FAM78A: variants seen among roughly 807,000 people sequenced by gnomAD.
The protein encoded by FAM78A is protein FAM78A.
Under a neutral mutation model 22.6 loss-of-function variants are expected in FAM78A, and 12 were observed. The ratio of observed to expected loss-of-function variants is 0.53; its 90% CI spans 0.34 to 0.86. FAM78A has a LOEUF of 0.86. FAM78A is among the 40% of genes least tolerant of loss of function. The pLI, the probability that FAM78A is intolerant of heterozygous loss-of-function variation, is 0.02. For synonymous variants in FAM78A, 151 were observed against 155.8 expected (o/e 0.97, Z 0.23); for missense variants, 322 against 396.1 (o/e 0.81, Z 1.59).
intron 1 of FAM78A, among the ~76,000 whole-genome samples, chr9:131,269,643 A>G (rs1835392474): frequency 6.6e-6 from 1 of 152,042 alleles, no homozygotes; most frequent in African/African-American, 2.4e-5. Context: ...CACCCAGCTA[A>G]TTTTTGTATT....
In FAM78A at chr9:131,276,209, C is replaced by T. The variant is rs1303443356; in HGVS notation, c.-30G>A. On this transcript the variant is annotated 5_prime_UTR_variant, in exon 1 of 2. Transcript: ENST00000372271. This position sits in a 1 kb window ranked among gnomAD's most constrained non-coding sequence, Gnocchi z 4.3. ...AGGACAGAGGCTGCAGGACCCAGTA[C>T]AGACGGCGCTGCTCTCCAATCTCAA... The T allele has an allele frequency of 1.9e-6, 3 of 1,574,968 alleles. No individual in the cohort carries two copies. The highest frequency in any genetic ancestry group is 2.3e-5 in the South Asian group (2 of 87,214).
intron 1 of FAM78A, among the ~76,000 whole-genome samples, chr9:131,273,124 G>C (rs962005381): frequency 6.6e-6 from 1 of 152,156 alleles, no homozygotes; most frequent in African/African-American, 2.4e-5. Flanking sequence ...TGATTCTGTT[G>C]ATTACTACCA....
At position 131,261,954 on chromosome 9, in the gene FAM78A, T is replaced by C. The variant is rs1275885285; in HGVS notation, c.324-604A>G. The stretch of plus-strand genomic sequence containing the variant: ...TTAAAAATGCACTCCTGGCCGGGCG[T>C]GGTGGCTCACACCTGTAATCCCAGC... On this transcript the variant is annotated intron_variant, in intron 1 of 1. Transcript: ENST00000372271. This position sits in a 1 kb window ranked among gnomAD's most constrained non-coding sequence, Gnocchi z 7.1. Among the ~76,000 whole-genome samples the C allele has an allele frequency of 6.6e-6, 1 of 152,058 alleles. No individual in the cohort carries two copies. The highest frequency in any genetic ancestry group is 6.5e-5 in the Admixed American group (1 of 15,268).
intron 1 of FAM78A, among the ~76,000 whole-genome samples, chr9:131,267,217 C>T (rs913421663): frequency 4.6e-5 from 7 of 152,188 alleles, no homozygotes; most frequent in East Asian, 3.8e-4. Flanking sequence ...ACCTCAGCCT[C>T]GCAAGCTGTT....
upstream of FAM78A, among the ~76,000 whole-genome samples, chr9:131,278,573 A>C (rs946211808): frequency 1.3e-5 from 2 of 152,090 alleles, no homozygotes; most frequent in Non-Finnish European, 2.9e-5. Context: ...CTGTGGAGGG[A>C]GACTGATGAT....
rs1835276174 is a variant in FAM78A at position 131,261,942 on chromosome 9, C to T, written c.324-592G>A. ...AACAAGCTACTGTTAAAAATGCACT[C>T]CTGGCCGGGCGTGGTGGCTCACACC... On this transcript the variant is annotated intron_variant, in intron 1 of 1. Transcript: ENST00000372271. This position sits in a 1 kb window ranked among gnomAD's most constrained non-coding sequence, Gnocchi z 7.1. Among the ~76,000 whole-genome samples the T allele has an allele frequency of 6.6e-6, 1 of 152,100 alleles. No homozygotes were observed. The highest frequency in any genetic ancestry group is 6.5e-5 in the Admixed American group (1 of 15,268).
chr9:131,277,430 G>A (rs907436500), upstream of FAM78A, among the ~76,000 whole-genome samples: 1 of 151,868 alleles, frequency 6.6e-6, no homozygotes, highest in Non-Finnish European at 1.5e-5. This position sits in a 1 kb window ranked among gnomAD's most constrained non-coding sequence, Gnocchi z 8.4. Flanking sequence ...CGCGTCAAGC[G>A]CCTCTGTCGC....
chr9:131,266,665 C>T (rs899302197), intron 1 of FAM78A, among the ~76,000 whole-genome samples: 1 of 152,242 alleles, frequency 6.6e-6, no homozygotes, highest in African/African-American at 2.4e-5. Context: ...CCCACTGCCC[C>T]GTGGCCTGTT....
intron 1 of FAM78A, among the ~76,000 whole-genome samples, chr9:131,263,025 A>C (rs1326616671): frequency 6.6e-6 from 1 of 152,148 alleles, no homozygotes; most frequent in East Asian, 1.9e-4. Flanking sequence ...GGATCACCTG[A>C]GGTCAGGAGT....
intron 1 of FAM78A, chr9:131,264,198 T>C (rs1285042619): frequency 5.0e-6 from 1 of 201,176 alleles, no homozygotes; most frequent in Non-Finnish European, 1.0e-5. Flanking sequence ...GCTGAAGGTC[T>C]GGTTTGGGGG....
chr9:131,264,323 G>A (rs1284149293), intron 1 of FAM78A: 2 of 472,050 alleles, frequency 4.2e-6, no homozygotes, highest in Non-Finnish European at 7.5e-6. Context: ...CAGGTGAGGA[G>A]CCTCCCAGGC....
chr9:131,271,870 G>A (rs960367195), intron 1 of FAM78A, among the ~76,000 whole-genome samples: 1 of 151,908 alleles, frequency 6.6e-6, no homozygotes, highest in Non-Finnish European at 1.5e-5. Flanking sequence ...GGGCTGTGGA[G>A]GCAGGTGTCT....
upstream of FAM78A, among the ~76,000 whole-genome samples, chr9:131,277,147 G>A (rs900216065): frequency 1.3e-5 from 2 of 151,226 alleles, no homozygotes; most frequent in Non-Finnish European, 3.0e-5. The surrounding 1 kb of genome is among the most constrained non-coding windows in gnomAD (Gnocchi z 8.4). Flanking sequence ...ACGACCGCGC[G>A]CACCAGCGAA....
At position 131,265,842 on chromosome 9, in the gene FAM78A, C is replaced by T. The variant is rs116759805; in HGVS notation, c.324-4492G>A. Among the ~76,000 whole-genome samples, 720 of 152,276 alleles carry T rather than the reference C, an allele frequency of 4.7e-3. 10 individuals carry two copies. Among genetic ancestry groups the T allele is most frequent in the African/African-American group, 0.017 (695 of 41,550 alleles). ...CAGAGGCAGGCAGAGCCACCTGTCA[C>T]ACTCCCATCCTCCTAGGGACCCCAA... On this transcript the variant is annotated intron_variant, in intron 1 of 1. Coordinates refer to ENST00000372271, the MANE Select transcript of FAM78A (RefSeq NM_033387.4). This position sits in a 1 kb window ranked among gnomAD's most constrained non-coding sequence, Gnocchi z 4.3.
chr9:131,279,565 C>G (rs76663792), upstream of FAM78A, among the ~76,000 whole-genome samples: 779 of 152,328 alleles, frequency 5.1e-3, 11 homozygotes, highest in African/African-American at 0.018. Flanking sequence ...ATGAACAGGG[C>G]CAGAGCTGCA....
At chr9:131,268,051 C>CAAAAAAA (rs397894549) in intron 1 of FAM78A, among the ~76,000 whole-genome samples, 1 of 52,376 alleles carries the variant, frequency 1.9e-5, no homozygotes, top group African/African-American at 5.3e-5. Context: ...GACTCTGTCT[C>CAAAAAAA]AAAAAAAAAA....
rs1207154552 is a variant in FAM78A at position 131,275,390 on chromosome 9, G to C, written c.323+467C>G. On this transcript the variant is annotated intron_variant, in intron 1 of 1. Transcript: ENST00000372271. This position sits in a 1 kb window ranked among gnomAD's most constrained non-coding sequence, Gnocchi z 4.6. ...GGTAAAAGCCAGAAAGATAATTGAG[G>C]CCCAATCGCAAAGCCCTGAACACAC... 1.3e-5 allele frequency among the ~76,000 whole-genome samples: 2 copies of C among 152,218 alleles called. No individual in the cohort carries two copies. The highest frequency in any genetic ancestry group is 4.8e-5 in the African/African-American group (2 of 41,458).
intron 1 of FAM78A, chr9:131,270,572 T>C (rs1276386399): frequency 2.8e-6 from 2 of 710,042 alleles, no homozygotes; most frequent in Non-Finnish European, 5.2e-6. Flanking sequence ...TCCCCCCTAC[T>C]TCCTCCCACC....
Position 131,258,826 on chromosome 9 carries a change from T to A in FAM78A, c.*1996A>T, listed in dbSNP as rs2131138539. 1 of 152,332 alleles carries A rather than the reference T, an allele frequency of 6.6e-6. No individual in the cohort carries two copies. Among genetic ancestry groups the A allele is most frequent in the South Asian group, 2.1e-4 (1 of 4,828 alleles). 9.4% of individuals were successfully genotyped at this position (152,332 alleles called of 1,614,324 possible). On this transcript the variant is annotated 3_prime_UTR_variant, in exon 2 of 2. Transcript: ENST00000372271. ...GCCTTTCGGGGTGGCACGGCCTCCA[T>A]CCTCACAAGAGAACCTGCAGTTTCT...
Sources: allele counts gnomAD v4.1 joint callset (sites outside exome capture counted in the v4.1 genomes callset), GRCh38; gene constraint gnomAD v4.1.1; non-coding constraint Gnocchi (gnomAD v3.1); transcripts MANE v1.5; gene names NCBI Gene and HGNC (gene_info 2026-07-23, HGNC 2026-07-21).